Variants in HOXC10 observed in about 807,000 individuals in gnomAD.
HOXC10 encodes the protein homeobox C10.
In HOXC10, 15 loss-of-function variants were observed where a neutral mutation model predicts 26.0. The ratio of observed to expected loss-of-function variants is 0.58; its 90% CI spans 0.39 to 0.89. The LOEUF (loss-of-function observed/expected upper bound fraction) is 0.89, where lower values mean the gene tolerates loss of function less well. Ranked by LOEUF, HOXC10 falls within the 40% of genes least tolerant of loss-of-function variation. HOXC10 has a pLI of 0.00. For missense variants in HOXC10, 446 were observed against 451.9 expected (o/e 0.99, Z 0.12); for synonymous variants, 196 against 185.5 (o/e 1.06, Z -0.46).
chr12:53,986,026 C>T lies in HOXC10; in HGVS notation c.751+16C>T, dbSNP rs1022689620. ...GAAGCGAAAGGTAAGGCCGCCTGGG[C>T]CGCGGGCGCCACTGGGACGTTCCGG... is the stretch of plus-strand genomic sequence containing the variant. On this transcript the variant is annotated intron_variant, in intron 1 of 1. Coordinates refer to ENST00000303460, the MANE Select transcript of HOXC10 (RefSeq NM_017409.4). 8.5e-6 allele frequency: 13 copies of T among 1,535,880 alleles called. No homozygotes were observed. In the East Asian group the frequency reaches 2.9e-4, roughly 35 times the overall value.
rs1439018875 is a variant in HOXC10, at chr12:53,989,496, C to T, written c.*50C>T. 4 of 1,552,494 alleles carry T rather than the reference C, an allele frequency of 2.6e-6. No individual in the cohort carries two copies. In the South Asian group the frequency reaches 3.6e-5, roughly 14 times the overall value. ...CCCGCTCCTTCCTCTCCCCGCCCCT[C>T]CTCCCTTTGTGCCTGGTGATATATT... On this transcript the variant is annotated 3_prime_UTR_variant, in exon 2 of 2. Transcript: ENST00000303460.
In HOXC10 at chr12:53,985,877, C is replaced by A; in HGVS notation, c.618C>A (p.Ser206Arg). 1 of 1,613,910 alleles carries A rather than the reference C, an allele frequency of 6.2e-7. No individual in the cohort carries two copies. Among genetic ancestry groups the A allele is most frequent in the Non-Finnish European group, 8.5e-7 (1 of 1,180,016 alleles). ...TCCCTGAGACCCCCAAGTCCGACAG[C>A]CAGACCCCCAGCCCCAATGAAATCA... ...VSFPETPKSD[S>R]QTPSPNEIKT... is the part of the protein sequence containing the mutation. The change falls in exon 1 of 2, where the codon AGC (serine) becomes AGA (arginine). Residue 206 changes from serine to arginine, a missense_variant. Ser to Arg is a moderately radical substitution (Grantham distance 110, BLOSUM62 -1). Transcript: ENST00000303460.
At chr12:53,987,095 G>A (rs2136384643) in intron 1 of HOXC10, among the ~76,000 whole-genome samples, 1 of 152,318 alleles carries the variant, frequency 6.6e-6, no homozygotes. Flanking sequence ...CCACAACACC[G>A]GCTACTGGTG....
At chr12:53,988,746 C>G (rs1939473579) in intron 1 of HOXC10, among the ~76,000 whole-genome samples, 4 of 152,202 alleles carry the variant, frequency 2.6e-5, no homozygotes, top group Admixed American at 2.6e-4. Flanking sequence ...TTTCTCTGGT[C>G]TGTGGGTGGA....
At position 53,985,731 on chromosome 12, in the gene HOXC10, C is replaced by T; in HGVS notation, c.472C>T (p.Leu158=). 1 of 1,611,784 alleles carries T rather than the reference C, an allele frequency of 6.2e-7. No homozygotes were observed. Among genetic ancestry groups the T allele is most frequent in the African/African-American group, 1.3e-5 (1 of 75,028 alleles). The part of the protein sequence containing the change: ...YYRASPSYSA[L]DKTPHCSGAN... Reference sequence around the variant, plus strand: ...CCGCGCCAGCCCGAGCTACTCCGCGCTGGACAAGACGCCCCACTGTTCTGG... The same window carrying T: ...CCGCGCCAGCCCGAGCTACTCCGCGTTGGACAAGACGCCCCACTGTTCTGG... The change falls in exon 1 of 2, where the codon CTG becomes TTG. Residue 158 remains leucine (L), a synonymous_variant. Coordinates refer to ENST00000303460, the MANE Select transcript of HOXC10 (RefSeq NM_017409.4).
At position 53,985,291 on chromosome 12, in the gene HOXC10, C is replaced by T. The variant is rs543075684; in HGVS notation, c.32C>T (p.Ser11Leu). ...TGCCCTCGCAATGTAACTCCGAACT[C>T]GTACGCGGAGCCCTTGGCTGCGCCC... is the stretch of plus-strand genomic sequence containing the variant. MTCPRNVTPNSYAEPLAAPGG... is the reference protein window; with the variant it reads MTCPRNVTPNLYAEPLAAPGG... Residue 11 changes from serine (S) to leucine (L), a missense_variant, in exon 1 of 2, where the codon TCG (serine) becomes TTG (leucine). By Grantham distance (145) the Ser-to-Leu change is moderately radical. Transcript: ENST00000303460. 4.4e-6 allele frequency: 7 copies of T among 1,581,992 alleles called. No individual in the cohort carries two copies. In the South Asian group the frequency reaches 6.9e-5, roughly 16 times the overall value.
chr12:53,988,753 T>C (rs1592202054), intron 1 of HOXC10, among the ~76,000 whole-genome samples: 1 of 152,146 alleles, frequency 6.6e-6, no homozygotes, highest in African/African-American at 2.4e-5. Context: ...GGTCTGTGGG[T>C]GGACTCTGCT....
At chr12:53,986,343 A>G (rs779286845) in intron 1 of HOXC10, 46 of 227,350 alleles carry the variant, frequency 2.0e-4, no homozygotes, top group Middle Eastern at 1.5e-3. Context: ...TGCTTTCTCA[A>G]TGCTGGTGTC....
At position 53,985,727 on chromosome 12, in the gene HOXC10, C is replaced by T. The variant is rs535670613; in HGVS notation, c.468C>T (p.Ser156=). Residue 156 remains serine, a synonymous_variant, in exon 1 of 2, where the codon TCC becomes TCT. Transcript: ENST00000303460. Reference sequence around the variant, plus strand: ...ACTACCGCGCCAGCCCGAGCTACTCCGCGCTGGACAAGACGCCCCACTGTT... The same window carrying T: ...ACTACCGCGCCAGCCCGAGCTACTCTGCGCTGGACAAGACGCCCCACTGTT... The part of the protein sequence containing the change: ...PSYYRASPSY[S]ALDKTPHCSG... 52 of 1,611,244 alleles carry T rather than the reference C, an allele frequency of 3.2e-5. No individual in the cohort carries two copies. In the South Asian group the frequency reaches 5.3e-4, roughly 16 times the overall value.
chr12:53,986,041 G>C, intron 1 of HOXC10, 31 bp downstream of exon 1: 1 of 1,521,750 alleles, frequency 6.6e-7, no homozygotes, highest in Non-Finnish European at 8.8e-7. Context: ...GGCGCCACTG[G>C]GACGTTCCGG....
intron 1 of HOXC10, chr12:53,986,691 G>A (rs1939442057): frequency 6.6e-6 from 1 of 152,248 alleles, no homozygotes; most frequent in Non-Finnish European, 1.5e-5. Flanking sequence ...AATGTTGTAA[G>A]TTTTCTGTTT....
In HOXC10 at chr12:53,985,314, C is replaced by A. The variant is rs757034843; in HGVS notation, c.55C>A (p.Pro19Thr). Reference protein sequence around the residue: ...PNSYAEPLAAPGGGERYSRSA... With the variant: ...PNSYAEPLAATGGGERYSRSA... ...CTCGTACGCGGAGCCCTTGGCTGCG[C>A]CCGGCGGAGGAGAGCGCTATAGCCG... is the stretch of plus-strand genomic sequence containing the variant. The change falls in exon 1 of 2, where the codon CCC becomes ACC. Residue 19 changes from proline (P) to threonine (T), a missense_variant. Physicochemically the swap from Pro to Thr is conservative, Grantham distance 38. Transcript: ENST00000303460. 2.5e-6 allele frequency: 4 copies of A among 1,595,674 alleles called. No homozygotes were observed. The highest frequency in any genetic ancestry group is 3.4e-6 in the Non-Finnish European group (4 of 1,171,966).
Position 53,985,180 on chromosome 12 carries a change from C to A in HOXC10, c.-80C>A. 8.0e-7 allele frequency: 1 copy of A among 1,247,686 alleles called. No individual in the cohort carries two copies. The highest frequency in any genetic ancestry group is 1.0e-6 in the Non-Finnish European group (1 of 955,958). The allele number at this position is 1,247,686 out of a possible 1,614,324, so 77.3% of individuals were successfully genotyped here. On this transcript the variant is annotated 5_prime_UTR_variant, in exon 1 of 2. Coordinates refer to ENST00000303460, the MANE Select transcript of HOXC10 (RefSeq NM_017409.4). ...TTTCCTCCCTCCCCTCCAACCGCGC[C>A]CCCCCTCCCGGATGGGGAAAAAAAA...
At chr12:53,986,064 G>C in intron 1 of HOXC10, 54 bp downstream of exon 1, 1 of 1,489,672 alleles carries the variant, frequency 6.7e-7, no homozygotes, top group Non-Finnish European at 8.9e-7. Flanking sequence ...CTTGGTCTTC[G>C]CGGCCGGGGA....
Position 53,989,286 on chromosome 12 carries a change from A to T in HOXC10, c.869A>T (p.Asn290Ile). Residue 290 changes from asparagine to isoleucine, a missense_variant, in exon 2 of 2, where the codon AAT becomes ATT. By Grantham distance (149) the Asn-to-Ile change is moderately radical. Transcript: ENST00000303460. Reference protein sequence around the residue: ...TLELEKEFLFNMYLTRERRLE... With the variant: ...TLELEKEFLFIMYLTRERRLE... Reference sequence around the variant, plus strand: ...GAATTGGAGAAAGAATTTCTGTTCAATATGTATTTGACGCGAGAGCGCCGC... The same window carrying T: ...GAATTGGAGAAAGAATTTCTGTTCATTATGTATTTGACGCGAGAGCGCCGC... 6.2e-7 allele frequency: 1 copy of T among 1,614,228 alleles called. No homozygotes were observed. The highest frequency in any genetic ancestry group is 8.5e-7 in the Non-Finnish European group (1 of 1,180,028).
rs773153181 is a variant in HOXC10, at chr12:53,985,786, A to G, written c.527A>G (p.Gln176Arg). The G allele has an allele frequency of 1.4e-5, 22 of 1,613,618 alleles. No homozygotes were observed. The Admixed American group carries it at 1.8e-4, about 13-fold the overall frequency. Residue 176 changes from glutamine (Q) to arginine (R), a missense_variant, in exon 1 of 2, where the codon CAG (glutamine) becomes CGG (arginine). Physicochemically the swap from Gln to Arg is conservative, Grantham distance 43 (BLOSUM62 1). Transcript: ENST00000303460. The part of the protein sequence containing the change: ...GANDFEAPFE[Q>R]RASLNPRAEH... Reference sequence around the variant, plus strand: ...AACGACTTCGAAGCCCCTTTCGAGCAGCGGGCCAGTCTCAACCCGCGCGCC... The same window carrying G: ...AACGACTTCGAAGCCCCTTTCGAGCGGCGGGCCAGTCTCAACCCGCGCGCC...
intron 1 of HOXC10, among the ~76,000 whole-genome samples, chr12:53,988,138 G>A (rs974576355): frequency 6.6e-6 from 1 of 152,120 alleles, no homozygotes; most frequent in Admixed American, 6.6e-5. Flanking sequence ...TCTGTTTTTT[G>A]CCCTTAAAAA....
intron 1 of HOXC10, 49 bp from the exon 2 acceptor site, chr12:53,989,120 G>T (rs1015774122): frequency 1.3e-6 from 2 of 1,527,792 alleles, no homozygotes; most frequent in African/African-American, 1.4e-5. Context: ...GCGCTGAGAG[G>T]GTTTTCGACT....
At chr12:53,986,066 G>C (rs2136384001) in intron 1 of HOXC10, 56 bp downstream of exon 1, 3 of 1,484,630 alleles carry the variant, frequency 2.0e-6, no homozygotes, top group East Asian at 4.7e-5. Flanking sequence ...TGGTCTTCGC[G>C]GCCGGGGAGG....
Sources: gnomAD v4.1 joint callset for allele counts (sites outside exome capture counted in the v4.1 genomes callset) on GRCh38, gnomAD v4.1.1 for gene constraint, MANE v1.5 for transcripts, NCBI Gene and HGNC (gene_info 2026-07-23, HGNC 2026-07-21) for gene names.